Variants in RNF150 observed in about 807,000 individuals in gnomAD.
The protein encoded by RNF150 is ring finger protein 150.
In RNF150, 24 loss-of-function variants were observed where a neutral mutation model predicts 39.3. That is an observed-to-expected ratio of 0.61 (90% CI 0.44 to 0.86). The LOEUF is 0.86. Among genes scored for constraint, RNF150 ranks in the 40% least tolerant of loss-of-function variants. The pLI is 0.00. For missense variants in RNF150, 502 were observed against 587.8 expected (o/e 0.85, Z 1.51); for synonymous variants, 255 against 227.3 (o/e 1.12, Z -1.10).
At chr4:141,060,864 T>C (rs1309980683) in intron 1 of RNF150, among the ~76,000 whole-genome samples, 2 of 152,104 alleles carry the variant, frequency 1.3e-5, no homozygotes, top group Non-Finnish European at 2.9e-5. Context: ...CCAGAAACCA[T>C]CATTCTAAGC....
intron 1 of RNF150, among the ~76,000 whole-genome samples, chr4:141,192,417 A>G (rs1728125529): frequency 6.6e-6 from 1 of 152,256 alleles, no homozygotes; most frequent in African/African-American, 2.4e-5. Context: ...TGGAGTTTGT[A>G]GCCTACTGAG....
intron 1 of RNF150, among the ~76,000 whole-genome samples, chr4:141,057,782 A>G (rs1211934350): frequency 1.3e-5 from 2 of 152,130 alleles, no homozygotes; most frequent in African/African-American, 4.8e-5. Flanking sequence ...CCTCGGCAAG[A>G]GACCAACACC....
rs906738982 is a variant in RNF150, at chr4:140,865,037, C to A, written c.*3224G>T. The A allele has an allele frequency of 6.6e-6, 1 of 152,136 alleles. No homozygotes were observed. The highest frequency in any genetic ancestry group is 2.4e-5 in the African/African-American group (1 of 41,412). 9.4% of individuals were successfully genotyped at this position (152,136 alleles called of 1,614,324 possible). ...TTTTCTTTTGTAAGGGTCGGGGGAT[C>A]TTGTGAGAATACTGGAGGAACTCTA... On this transcript the variant is annotated 3_prime_UTR_variant, in exon 7 of 7. Transcript: ENST00000515673.
intron 1 of RNF150, among the ~76,000 whole-genome samples, chr4:141,050,223 TTTA>T (rs1419423597): frequency 6.6e-6 from 1 of 152,036 alleles, no homozygotes; most frequent in Non-Finnish European, 1.5e-5. Flanking sequence ...GTGTGAGATT[TTTA>T]TTATTTTTTT....
intron 1 of RNF150, among the ~76,000 whole-genome samples, chr4:141,180,921 C>A (rs900805863): frequency 1.2e-4 from 18 of 152,112 alleles, no homozygotes; most frequent in Admixed American, 4.6e-4. Context: ...ATAGATAAAG[C>A]AAGATTCAGT....
chr4:140,957,483 G>A (rs1356603387), intron 2 of RNF150, among the ~76,000 whole-genome samples: 2 of 152,224 alleles, frequency 1.3e-5, no homozygotes, highest in Non-Finnish European at 2.9e-5. Flanking sequence ...CATTGTGGAA[G>A]TCGGTGTGGC....
At chr4:141,083,455 T>C (rs1204096080) in intron 1 of RNF150, among the ~76,000 whole-genome samples, 1 of 152,188 alleles carries the variant, frequency 6.6e-6, no homozygotes, top group Non-Finnish European at 1.5e-5. Context: ...ACAGGTTTGA[T>C]TTACATGTTG....
chr4:140,919,974 G>A (rs1200005638), intron 5 of RNF150, among the ~76,000 whole-genome samples: 1 of 152,130 alleles, frequency 6.6e-6, no homozygotes, highest in Non-Finnish European at 1.5e-5. Flanking sequence ...TGGGAAAACT[G>A]GCTAGCCATA....
chr4:141,061,179 C>CA (rs202245642), intron 1 of RNF150, among the ~76,000 whole-genome samples: 2,129 of 151,340 alleles, frequency 0.014, 55 homozygotes, highest in African/African-American at 0.049. Flanking sequence ...AAACCCAAGG[C>CA]AAAAAAAATG....
At chr4:141,013,431 G>A (rs963016654) in intron 1 of RNF150, among the ~76,000 whole-genome samples, 8 of 152,184 alleles carry the variant, frequency 5.3e-5, no homozygotes, top group Admixed American at 4.6e-4. Flanking sequence ...TGAGGAAACT[G>A]AGGTATCTAT....
At chr4:141,109,438 GATAAGTAT>G (rs1377232303) in intron 1 of RNF150, among the ~76,000 whole-genome samples, 1 of 151,814 alleles carries the variant, frequency 6.6e-6, no homozygotes, top group African/African-American at 2.4e-5. Context: ...AATGGGCAAT[GATAAGTAT>G]ATACAAGCAG....
At chr4:141,078,659 A>G (rs547025217) in intron 1 of RNF150, among the ~76,000 whole-genome samples, 40 of 151,022 alleles carry the variant, frequency 2.6e-4, no homozygotes, top group African/African-American at 8.0e-4. Context: ...GCGCGGTGGC[A>G]GGCACCTGTA....
chr4:141,189,589 GC>G (rs1728070156), intron 1 of RNF150, among the ~76,000 whole-genome samples: 1 of 152,154 alleles, frequency 6.6e-6, no homozygotes, highest in Non-Finnish European at 1.5e-5. Flanking sequence ...TTTCAGAGAT[GC>G]CCTGCTCAGT....
intron 1 of RNF150, among the ~76,000 whole-genome samples, chr4:141,086,656 G>A (rs1264061204): frequency 1.3e-5 from 2 of 151,496 alleles, no homozygotes; most frequent in Admixed American, 1.3e-4. Flanking sequence ...TTTATTTAAT[G>A]TTAATGCCCC....
At chr4:141,203,689 T>C (rs1728328032) in intron 1 of RNF150, among the ~76,000 whole-genome samples, 2 of 152,022 alleles carry the variant, frequency 1.3e-5, no homozygotes, top group African/African-American at 4.8e-5. Context: ...TTTTGTTTCA[T>C]CTTCATTTTT....
chr4:141,010,079 G>T (rs1018877930), intron 1 of RNF150, among the ~76,000 whole-genome samples: 2 of 152,200 alleles, frequency 1.3e-5, no homozygotes, highest in Non-Finnish European at 2.9e-5. Flanking sequence ...GTTTCTTAGT[G>T]ATTCAATAGA....
At chr4:140,940,621 C>T (rs539649028) in intron 4 of RNF150, among the ~76,000 whole-genome samples, 2 of 152,136 alleles carry the variant, frequency 1.3e-5, no homozygotes, top group Admixed American at 6.5e-5. Context: ...AAGGAACTGG[C>T]CAAAACCAGC....
At chr4:140,949,449 C>G (rs752803731) in intron 2 of RNF150, 77 bp from the exon 3 acceptor site, 4 of 1,215,982 alleles carry the variant, frequency 3.3e-6, no homozygotes, top group Non-Finnish European at 4.8e-6. Flanking sequence ...TTTAATACAC[C>G]AGGGCAGCTA....
intron 2 of RNF150, among the ~76,000 whole-genome samples, chr4:140,962,031 A>G (rs1733046423): frequency 1.3e-5 from 2 of 151,384 alleles, no homozygotes; most frequent in Non-Finnish European, 3.0e-5. Context: ...GCCATTTCTA[A>G]TATCATCGTC....
Sources: allele counts gnomAD v4.1 joint callset (sites outside exome capture counted in the v4.1 genomes callset), GRCh38; gene constraint gnomAD v4.1.1; transcripts MANE v1.5; gene names NCBI Gene and HGNC (gene_info 2026-07-23, HGNC 2026-07-21).